BCAR3: variants seen among roughly 807,000 people sequenced by gnomAD.
BCAR3 encodes the protein breast cancer anti-estrogen resistance protein 3.
In BCAR3, 37 loss-of-function variants were observed where a neutral mutation model predicts 80.1. The observed-to-expected ratio is 0.46, with a 90% CI of 0.36 to 0.61. The LOEUF (loss-of-function observed/expected upper bound fraction) is 0.61. Among genes scored for constraint, BCAR3 ranks in the 20% least tolerant of loss-of-function variants. BCAR3 has a pLI of 0.00. For missense variants in BCAR3, 978 were observed against 1,068.2 expected (o/e 0.92, Z 1.18); for synonymous variants, 389 against 418.9 (o/e 0.93, Z 0.87).
intron 3 of BCAR3, among the ~76,000 whole-genome samples, chr1:93,695,227 G>A (rs576393104): frequency 6.6e-6 from 1 of 152,232 alleles, no homozygotes; most frequent in African/African-American, 2.4e-5. Context: ...TACTTACTCA[G>A]GAACGCTCAG....
chr1:93,684,363 G>T (rs533888956), upstream of BCAR3, among the ~76,000 whole-genome samples: 55 of 152,282 alleles, frequency 3.6e-4, no homozygotes, highest in African/African-American at 1.2e-3. Context: ...AGAAAGACCA[G>T]AAGAAAACCT....
upstream of BCAR3, among the ~76,000 whole-genome samples, chr1:93,684,737 G>GTTTTTTGTTTTTT (rs1426027653): frequency 1.3e-5 from 2 of 152,034 alleles, no homozygotes; most frequent in Non-Finnish European, 2.9e-5. Context: ...TTTGTTTTTT[G>GTTTTTTGTTTTTT]TTTTTTGTTT....
intron 2 of BCAR3, among the ~76,000 whole-genome samples, chr1:93,763,833 C>T (rs373539414): frequency 6.6e-6 from 1 of 152,136 alleles, no homozygotes; most frequent in Non-Finnish European, 1.5e-5. Context: ...CCACTATGGC[C>T]GATTTCAAGC....
intron 2 of BCAR3, among the ~76,000 whole-genome samples, chr1:93,812,466 C>G (rs971724459): frequency 6.6e-6 from 1 of 152,230 alleles, no homozygotes; most frequent in East Asian, 1.9e-4. Flanking sequence ...AACTCCTGAC[C>G]TGGCACTCAG....
chr1:93,613,534 G>A (rs961755622), intron 3 of BCAR3, among the ~76,000 whole-genome samples: 1 of 152,186 alleles, frequency 6.6e-6, no homozygotes, highest in African/African-American at 2.4e-5. Context: ...GAGAGACAAA[G>A]AGAGAAAGAA....
At chr1:93,566,637 T>C (rs527483431) in intron 11 of BCAR3, among the ~76,000 whole-genome samples, 1 of 152,256 alleles carries the variant, frequency 6.6e-6, no homozygotes, top group South Asian at 2.1e-4. Flanking sequence ...GGAACAGGAA[T>C]GCAGATAAAT....
At chr1:93,672,061 A>G (rs1648234998) in intron 2 of BCAR3, among the ~76,000 whole-genome samples, 1 of 152,174 alleles carries the variant, frequency 6.6e-6, no homozygotes, top group Non-Finnish European at 1.5e-5. Flanking sequence ...TAAGAAAAAA[A>G]GATGTGAATT....
intron 2 of BCAR3, among the ~76,000 whole-genome samples, chr1:93,801,730 C>A (rs1653486861): frequency 6.6e-6 from 1 of 152,152 alleles, no homozygotes; most frequent in African/African-American, 2.4e-5. Flanking sequence ...GAGGCCAATG[C>A]AGGAGAATCA....
chr1:93,774,617 C>T (rs1253345508), intron 2 of BCAR3, among the ~76,000 whole-genome samples: 1 of 152,146 alleles, frequency 6.6e-6, no homozygotes, highest in Non-Finnish European at 1.5e-5. Flanking sequence ...AAGCCCTGTC[C>T]CTATGGTCTA....
chr1:93,680,879 C>A (rs1648725541), intron 1 of BCAR3, among the ~76,000 whole-genome samples: 1 of 152,180 alleles, frequency 6.6e-6, no homozygotes, highest in South Asian at 2.1e-4. Context: ...GCGGCGCCCT[C>A]AGCGGCCTAA....
upstream of BCAR3, among the ~76,000 whole-genome samples, chr1:93,683,025 C>T (rs920039254): frequency 2.0e-5 from 3 of 152,100 alleles, no homozygotes; most frequent in African/African-American, 4.8e-5. Flanking sequence ...AGCTTCTGTT[C>T]ATGAAAAGAC....
intron 2 of BCAR3, among the ~76,000 whole-genome samples, chr1:93,732,362 C>T (rs1402972425): frequency 1.3e-5 from 2 of 152,138 alleles, no homozygotes; most frequent in East Asian, 3.9e-4. Context: ...TGCCTGTAAT[C>T]CCAGCACTTT....
At chr1:93,631,883 T>G (rs1675629712) in intron 3 of BCAR3, among the ~76,000 whole-genome samples, 1 of 152,130 alleles carries the variant, frequency 6.6e-6, no homozygotes, top group South Asian at 2.1e-4. Context: ...CAGTGAGAAG[T>G]CCCTTCTCTC....
chr1:93,654,396 C>G (rs950788061), intron 2 of BCAR3, among the ~76,000 whole-genome samples: 3 of 152,040 alleles, frequency 2.0e-5, no homozygotes, highest in Non-Finnish European at 4.4e-5. Context: ...CCCTCACCAC[C>G]GACAGCCAGG....
Position 93,582,630 on chromosome 1 carries a change from T to C in BCAR3, c.1357A>G (p.Ser453Gly). The change falls in exon 7 of 12, where the codon AGC becomes GGC. Residue 453 changes from serine to glycine, a missense_variant. Physicochemically the swap from Ser to Gly is moderately conservative, Grantham distance 56. Coordinates refer to ENST00000260502, the MANE Select transcript of BCAR3 (RefSeq NM_003567.4). ...TTGGCTGTGAGCAGTTCTGTGTGGC[T>C]TCCCTGGGCACATGAGGGTAGCTTT... ...GAKLPSCAQGSHTELLTAKQN... is the reference protein window; with the variant it reads ...GAKLPSCAQGGHTELLTAKQN... 1 of 1,613,982 alleles carries C rather than the reference T, an allele frequency of 6.2e-7. No homozygotes were observed. The highest frequency in any genetic ancestry group is 1.1e-5 in the South Asian group (1 of 91,068).
intron 2 of BCAR3, among the ~76,000 whole-genome samples, chr1:93,749,073 A>G (rs1185989370): frequency 6.6e-6 from 1 of 152,164 alleles, no homozygotes; most frequent in African/African-American, 2.4e-5. Context: ...TAGGTCTCAA[A>G]GCAATGTTAC....
intron 3 of BCAR3, among the ~76,000 whole-genome samples, chr1:93,613,322 G>A (rs138371200): frequency 6.0e-4 from 92 of 152,290 alleles, no homozygotes; most frequent in African/African-American, 2.1e-3. Flanking sequence ...TCTTGGCACC[G>A]GTGTCTTATA....
rs542032334 is a variant in BCAR3, at chr1:93,841,936, C to G, written c.-63+3631G>C. Among the ~76,000 whole-genome samples, 3 of 152,278 alleles carry G rather than the reference C, an allele frequency of 2.0e-5. No individual in the cohort carries two copies. The South Asian group carries it at 6.2e-4, about 32-fold the overall frequency. ...TTGTCCTATCTTCTTCCTCATAACTCCTGAGTCTGGTTTCTACCCTGCGCC... is the reference window on the plus strand; with the variant it reads ...TTGTCCTATCTTCTTCCTCATAACTGCTGAGTCTGGTTTCTACCCTGCGCC... On this transcript the variant is annotated intron_variant, in intron 2 of 13. Transcript: ENST00000370244.
At chr1:93,741,548 T>A (rs1277684992) in intron 2 of BCAR3, among the ~76,000 whole-genome samples, 1 of 152,174 alleles carries the variant, frequency 6.6e-6, no homozygotes, top group Non-Finnish European at 1.5e-5. Context: ...GCTCAATAAC[T>A]GGAAGCTATT....
Sources: allele counts gnomAD v4.1 joint callset (sites outside exome capture counted in the v4.1 genomes callset), GRCh38; gene constraint gnomAD v4.1.1; transcripts MANE v1.5; gene names NCBI Gene and HGNC (gene_info 2026-07-23, HGNC 2026-07-21).